The following PID1 variants were observed in gnomAD, a reference collection of about 807,000 sequenced individuals.
PID1 encodes the protein phosphotyrosine interaction domain containing 1, also known as PTB-containing, cubilin and LRP1-interacting protein.
PID1 carries 10 observed loss-of-function variants against 19.1 expected under a neutral mutation model. The observed-to-expected ratio is 0.52, with a 90% CI of 0.32 to 0.89. PID1 has a LOEUF of 0.89. Among genes scored for constraint, PID1 ranks in the 40% least tolerant of loss-of-function variants. PID1 has a pLI of 0.03. For missense variants in PID1, 248 were observed against 285.3 expected (o/e 0.87, Z 0.94); for synonymous variants, 130 against 116.0 (o/e 1.12, Z -0.78).
At chr2:229,173,531 A>AT (rs1427237305) in intron 1 of PID1, among the ~76,000 whole-genome samples, 1 of 152,128 alleles carries the variant, frequency 6.6e-6, no homozygotes, top group Non-Finnish European at 1.5e-5. Flanking sequence ...CTTCTTATTA[A>AT]TACTGAGTCA....
chr2:229,249,302 C>T (rs533930312), intron 1 of PID1, among the ~76,000 whole-genome samples: 1 of 152,230 alleles, frequency 6.6e-6, no homozygotes, highest in South Asian at 2.1e-4. Context: ...TAACATGTGG[C>T]TCTAAAGATA....
At chr2:229,144,471 T>C (rs1690085086) in intron 2 of PID1, among the ~76,000 whole-genome samples, 1 of 152,152 alleles carries the variant, frequency 6.6e-6, no homozygotes, top group African/African-American at 2.4e-5. Context: ...TAGGTGTATA[T>C]AAAACTATAC....
chr2:229,082,447 T>G (rs1694686527), intron 2 of PID1, among the ~76,000 whole-genome samples: 1 of 152,268 alleles, frequency 6.6e-6, no homozygotes, highest in Non-Finnish European at 1.5e-5. Flanking sequence ...TCATTAAGGT[T>G]ACTAATCAGT....
chr2:229,072,923 A>G (rs1277856334), intron 2 of PID1, among the ~76,000 whole-genome samples: 1 of 152,252 alleles, frequency 6.6e-6, no homozygotes, highest in Non-Finnish European at 1.5e-5. Flanking sequence ...CAATCTTTGC[A>G]TCATCCCAGT....
chr2:229,064,657 G>A (rs995922679), intron 2 of PID1, among the ~76,000 whole-genome samples: 1 of 152,104 alleles, frequency 6.6e-6, no homozygotes, highest in African/African-American at 2.4e-5. Flanking sequence ...ATTTGTTTGT[G>A]TTTTTGAAGA....
chr2:229,235,135 A>G (rs1286134422), intron 1 of PID1, among the ~76,000 whole-genome samples: 1 of 151,980 alleles, frequency 6.6e-6, no homozygotes, highest in East Asian at 1.9e-4. Flanking sequence ...CTCAGTTCCT[A>G]CAAGTACAGC....
chr2:229,158,741 AC>A (rs1228442210), intron 1 of PID1, among the ~76,000 whole-genome samples: 4 of 152,234 alleles, frequency 2.6e-5, no homozygotes, highest in African/African-American at 9.6e-5. Context: ...ATACACACAC[AC>A]AAGTACCTTC....
At chr2:229,175,163 G>A (rs550558588) in intron 1 of PID1, among the ~76,000 whole-genome samples, 10 of 152,232 alleles carry the variant, frequency 6.6e-5, no homozygotes, top group Non-Finnish European at 1.3e-4. Context: ...AAAAGTTCTT[G>A]TTTTTTTGAG....
Position 229,148,102 on chromosome 2 carries a change from C to T in PID1, c.177+7716G>A, listed in dbSNP as rs78844738. On this transcript the variant is annotated intron_variant, in intron 2 of 2. Coordinates refer to ENST00000392055, the MANE Select transcript of PID1 (RefSeq NM_001100818.2). The stretch of plus-strand genomic sequence containing the variant: ...AAAGTTATAATCTTCACTTGAAACA[C>T]CTGTATCAGCTGGGAAGTTTTAATT... Among the ~76,000 whole-genome samples, 1,084 of 152,306 alleles carry T rather than the reference C, an allele frequency of 7.1e-3. 11 individuals carry two copies. The highest frequency in any genetic ancestry group is 0.025 in the African/African-American group (1,022 of 41,556).
chr2:229,198,969 G>T (rs1691434641), intron 1 of PID1, among the ~76,000 whole-genome samples: 1 of 151,966 alleles, frequency 6.6e-6, no homozygotes, highest in Non-Finnish European at 1.5e-5. Context: ...CATCACTCAT[G>T]GGATAATATC....
Position 229,031,214 on chromosome 2 carries a change from T to TAAAAAAAAAAAAAAA in PID1, c.178-5107_178-5106insTTTTTTTTTTTTTTT, listed in dbSNP as rs1274567780. ...CTGGGCAGCATAACGAGACTCTGTC[T>TAAAAAAAAAAAAAAA]CAAAAAAAAAAAAAAAAAAGAAATA... On this transcript the variant is annotated intron_variant, in intron 2 of 2. Transcript: ENST00000392055. Among the ~76,000 whole-genome samples the TAAAAAAAAAAAAAAA allele has an allele frequency of 2.8e-4, 7 of 24,974 alleles. 1 individual carries two copies. The highest frequency in any genetic ancestry group is 1.3e-3 in the African/African-American group (7 of 5,536). The allele number at this position is 24,974 out of a possible 152,430, so 16.4% of individuals were successfully genotyped here.
intron 2 of PID1, among the ~76,000 whole-genome samples, chr2:229,150,009 G>T (rs980633940): frequency 6.6e-6 from 1 of 152,080 alleles, no homozygotes; most frequent in Non-Finnish European, 1.5e-5. Flanking sequence ...AGGCCGAGGC[G>T]GGTGGATCAC....
At chr2:229,120,826 T>G (rs1368862504) in intron 2 of PID1, among the ~76,000 whole-genome samples, 1 of 151,960 alleles carries the variant, frequency 6.6e-6, no homozygotes, top group African/African-American at 2.4e-5. Flanking sequence ...AGGTGATGAA[T>G]GAGTTCTTGC....
chr2:229,209,048 G>A (rs1307344296), intron 1 of PID1, among the ~76,000 whole-genome samples: 3 of 152,150 alleles, frequency 2.0e-5, no homozygotes, highest in African/African-American at 7.2e-5. Flanking sequence ...CTAGGCTAGA[G>A]TGGCAAATAA....
chr2:229,227,910 C>T (rs910750199), intron 1 of PID1: 74 of 451,856 alleles, frequency 1.6e-4, no homozygotes, highest in African/African-American at 1.4e-3. Flanking sequence ...GGAAAATATA[C>T]AGGAGGGTGT....
intron 2 of PID1, among the ~76,000 whole-genome samples, chr2:229,137,957 T>G (rs1416080005): frequency 6.6e-6 from 1 of 152,062 alleles, no homozygotes; most frequent in Non-Finnish European, 1.5e-5. Flanking sequence ...CAGGTGAAGA[T>G]TTTGCTTTGT....
intron 2 of PID1, among the ~76,000 whole-genome samples, chr2:229,053,736 G>C (rs1048087219): frequency 6.6e-6 from 1 of 152,110 alleles, no homozygotes; most frequent in Non-Finnish European, 1.5e-5. Flanking sequence ...ATAGTTACTC[G>C]AACAGTTGCT....
chr2:229,201,857 G>A (rs775656645), intron 1 of PID1, among the ~76,000 whole-genome samples: 8 of 151,720 alleles, frequency 5.3e-5, no homozygotes, highest in Non-Finnish European at 1.0e-4. Context: ...GTTTTTATTC[G>A]CATTTTCCTT....
chr2:229,039,734 TA>T (rs1470660563), intron 2 of PID1, among the ~76,000 whole-genome samples: 1 of 152,136 alleles, frequency 6.6e-6, no homozygotes, highest in African/African-American at 2.4e-5. Flanking sequence ...TAATGAAAAG[TA>T]AAATGTATGG....
Sources: allele counts gnomAD v4.1 joint callset (sites outside exome capture counted in the v4.1 genomes callset), GRCh38; gene constraint gnomAD v4.1.1; transcripts MANE v1.5; gene names NCBI Gene and HGNC (gene_info 2026-07-23, HGNC 2026-07-21).